The following MARK2 variants were observed in gnomAD, a reference collection of about 807,000 sequenced individuals.
MARK2 encodes serine/threonine-protein kinase MARK2.
In MARK2, 16 loss-of-function variants were observed where a neutral mutation model predicts 89.8. That is an observed-to-expected ratio of 0.18 (90% confidence interval 0.12 to 0.27). MARK2 has a LOEUF of 0.27. Ranked by LOEUF, MARK2 falls within the 10% of genes least tolerant of loss-of-function variation. The pLI is 1.00. For missense variants in MARK2, 621 were observed against 1,049.9 expected (o/e 0.59, Z 5.65); for synonymous variants, 382 against 399.5 (o/e 0.96, Z 0.52).
At chr11:63,854,245 G>T (rs1235225564) in intron 1 of MARK2, among the ~76,000 whole-genome samples, 1 of 149,234 alleles carries the variant, frequency 6.7e-6, no homozygotes, top group Non-Finnish European at 1.5e-5. Context: ...TGTCACTTAG[G>T]CTGGAGTGCA....
At chr11:63,906,035 G>T (rs992968867) in intron 16 of MARK2, 53 bp from the exon 17 acceptor site, 27 of 1,214,780 alleles carry the variant, frequency 2.2e-5, no homozygotes, top group Middle Eastern at 4.1e-4. Context: ...CGTCTTGTTG[G>T]TTTTTTTTTT....
At chr11:63,856,274 C>T (rs1356361437) in intron 1 of MARK2, among the ~76,000 whole-genome samples, 1 of 141,772 alleles carries the variant, frequency 7.1e-6, no homozygotes, top group Admixed American at 7.5e-5. Flanking sequence ...TAACTGATTT[C>T]CTCCTTCTGA....
rs756757826 is a variant in MARK2, at chr11:63,900,681, G to C, written c.888+3G>C. 6.2e-7 allele frequency: 1 copy of C among 1,614,008 alleles called. No homozygotes were observed. Among genetic ancestry groups the C allele is most frequent in the Admixed American group, 1.7e-5 (1 of 60,026 alleles). ...CCAGCAAGAGAGGCACTTTAGAGGT[G>C]AGCAGTGGAGCCCAACTGGCGGAAG... On this transcript the variant is annotated splice_donor_region_variant and intron_variant, in intron 9 of 18. Coordinates refer to ENST00000402010, the MANE Select transcript of MARK2 (RefSeq NM_001039469.3). This position sits in a 1 kb window ranked among gnomAD's most constrained non-coding sequence, Gnocchi z 4.7.
intron 1 of MARK2, among the ~76,000 whole-genome samples, chr11:63,878,359 CTTTTTTTTTTTTT>C (rs59251368): frequency 1.4e-5 from 1 of 72,712 alleles, no homozygotes. Flanking sequence ...TTGTTCAAGT[CTTTTTTTTTTTTT>C]TTTTTTTTTT....
At chr11:63,887,388 A>G (rs547408007) in intron 1 of MARK2, among the ~76,000 whole-genome samples, 1 of 152,342 alleles carries the variant, frequency 6.6e-6, no homozygotes, top group African/African-American at 2.4e-5. Context: ...CAGGGAGACT[A>G]CCTACCCTAT....
intron 11 of MARK2, among the ~76,000 whole-genome samples, chr11:63,901,571 C>A (rs1219192607): frequency 6.7e-6 from 1 of 149,892 alleles, no homozygotes; most frequent in African/African-American, 2.5e-5. Flanking sequence ...CTCCGCCTCC[C>A]GGGTTCAAGC....
Position 63,900,164 on chromosome 11 carries a change from C to A in MARK2, c.768+54C>A. On this transcript the variant is annotated intron_variant, in intron 8 of 18. Transcript: ENST00000402010. This position sits in a 1 kb window ranked among gnomAD's most constrained non-coding sequence, Gnocchi z 4.7. ...TTCTCATTTCCTCTCGGCCTCTGGTCTTAGCCCTGACCTCCTGCCTTTGCC... is the reference window on the plus strand; with the variant it reads ...TTCTCATTTCCTCTCGGCCTCTGGTATTAGCCCTGACCTCCTGCCTTTGCC... 1 of 1,372,748 alleles carries A rather than the reference C, an allele frequency of 7.3e-7. No individual in the cohort carries two copies. Among genetic ancestry groups the A allele is most frequent in the Non-Finnish European group, 1.0e-6 (1 of 963,250 alleles). 85.0% of individuals were successfully genotyped at this position (1,372,748 alleles called of 1,614,324 possible).
At chr11:63,864,231 G>A (rs912827620) in intron 1 of MARK2, among the ~76,000 whole-genome samples, 1 of 151,928 alleles carries the variant, frequency 6.6e-6, no homozygotes, top group African/African-American at 2.4e-5. Context: ...TGGGATTACA[G>A]GCGTGAGCCG....
At chr11:63,882,078 G>A (rs1441976669) in intron 1 of MARK2, among the ~76,000 whole-genome samples, 2 of 152,196 alleles carry the variant, frequency 1.3e-5, no homozygotes, top group Non-Finnish European at 2.9e-5. Context: ...CAACGGATAA[G>A]AGGACTTACC....
intron 1 of MARK2, chr11:63,889,064 C>A: frequency 1.2e-6 from 1 of 835,762 alleles, no homozygotes; most frequent in Non-Finnish European, 1.8e-6. Flanking sequence ...GGCGCCCTGC[C>A]TGAGTCCAGC....
At chr11:63,879,952 A>G (rs1319226778) in intron 1 of MARK2, among the ~76,000 whole-genome samples, 1 of 152,108 alleles carries the variant, frequency 6.6e-6, no homozygotes, top group African/African-American at 2.4e-5. Context: ...CTTGTTCTGC[A>G]CTTTCCAGCA....
intron 1 of MARK2, among the ~76,000 whole-genome samples, chr11:63,847,604 G>GA (rs1381588402): frequency 2.6e-5 from 4 of 152,192 alleles, no homozygotes; most frequent in African/African-American, 9.6e-5. Flanking sequence ...TCGTTGAGGC[G>GA]AAAGTTTGGA....
chr11:63,874,955 CCTT>C (rs1938657593), intron 1 of MARK2, among the ~76,000 whole-genome samples: 1 of 151,948 alleles, frequency 6.6e-6, no homozygotes, highest in African/African-American at 2.4e-5. Context: ...TAATTTCATT[CCTT>C]CTCCTTTTTT....
intron 1 of MARK2, among the ~76,000 whole-genome samples, chr11:63,877,451 T>C (rs1254966841): frequency 1.3e-5 from 2 of 152,096 alleles, no homozygotes; most frequent in Non-Finnish European, 2.9e-5. Context: ...GAATTAAGTA[T>C]AAAAAGTGCC....
intron 1 of MARK2, among the ~76,000 whole-genome samples, chr11:63,887,754 C>G (rs1939491614): frequency 6.6e-6 from 1 of 152,208 alleles, no homozygotes; most frequent in African/African-American, 2.4e-5. Flanking sequence ...AGATGAGAGA[C>G]AGCCAGCTTG....
intron 1 of MARK2, among the ~76,000 whole-genome samples, chr11:63,853,691 C>A (rs1168994271): frequency 2.6e-5 from 4 of 152,052 alleles, no homozygotes; most frequent in African/African-American, 4.8e-5. Context: ...CTGCTGACGC[C>A]GTAACATGGA....
chr11:63,895,460 A>G, intron 2 of MARK2, 120 bp from the exon 3 acceptor site: 1 of 1,413,622 alleles, frequency 7.1e-7, no homozygotes, highest in Non-Finnish European at 1.0e-6. Context: ...GATCTGAGAT[A>G]TAGGGGTGCA....
At chr11:63,874,248 T>G (rs1938614881) in intron 1 of MARK2, among the ~76,000 whole-genome samples, 1 of 152,236 alleles carries the variant, frequency 6.6e-6, no homozygotes, top group Non-Finnish European at 1.5e-5. Context: ...AAACAATTAC[T>G]TTCCTCCTGA....
intron 1 of MARK2, among the ~76,000 whole-genome samples, chr11:63,862,543 G>A (rs183956075): frequency 2.6e-5 from 4 of 152,286 alleles, no homozygotes; most frequent in Non-Finnish European, 4.4e-5. Flanking sequence ...AAATGTGGCC[G>A]AAATGGTGTG....
Sources: allele counts gnomAD v4.1 joint callset (sites outside exome capture counted in the v4.1 genomes callset), GRCh38; gene constraint gnomAD v4.1.1; non-coding constraint Gnocchi (gnomAD v3.1); transcripts MANE v1.5; gene names NCBI Gene and HGNC (gene_info 2026-07-23, HGNC 2026-07-21).